CACNA2D3: variants seen among roughly 807,000 people sequenced by gnomAD.
The protein encoded by CACNA2D3 is voltage-dependent calcium channel subunit alpha-2/delta-3.
CACNA2D3 carries 60 observed loss-of-function variants against 160.6 expected under a neutral mutation model. That is an observed-to-expected ratio of 0.37 (90% CI 0.30 to 0.46). The LOEUF (loss-of-function observed/expected upper bound fraction) is 0.46. Ranked by LOEUF, CACNA2D3 falls within the 20% of genes least tolerant of loss-of-function variation. The probability of loss-of-function intolerance (pLI) is 1.00; values close to 1 mark genes in which losing one functional copy is unlikely to be tolerated. For synonymous variants in CACNA2D3, 558 were observed against 492.9 expected (o/e 1.13, Z -1.75); for missense variants, 1,205 against 1,365.0 (o/e 0.88, Z 1.85).
At position 54,947,818 on chromosome 3, in the gene CACNA2D3, G is replaced by C. The variant is rs562728524; in HGVS notation, c.2450-20632G>C. ...TAATCATTGCAATGTTTGGGGATGT[G>C]GGTCAGGAAGCATCCATGTAAATGG... On this transcript the variant is annotated intron_variant, in intron 27 of 37. Transcript: ENST00000474759. Among the ~76,000 whole-genome samples the C allele has an allele frequency of 5.3e-5, 8 of 152,238 alleles. No homozygotes were observed. The South Asian group carries it at 1.7e-3, about 32-fold the overall frequency.
intron 5 of CACNA2D3, among the ~76,000 whole-genome samples, chr3:54,536,950 A>T (rs1274708604): frequency 6.6e-6 from 1 of 152,060 alleles, no homozygotes; most frequent in African/African-American, 2.4e-5. Context: ...GGTGGCGGAG[A>T]TGCAGTGCCA....
At chr3:54,254,925 C>T (rs6783285) in intron 2 of CACNA2D3, among the ~76,000 whole-genome samples, 60,896 of 151,978 alleles carry the variant, frequency 0.4, 12,299 homozygotes, top group Middle Eastern at 0.41. Flanking sequence ...TGTCCTCCAG[C>T]CCCAGCTCAA....
At chr3:54,724,091 A>C (rs1701229701) in intron 11 of CACNA2D3, among the ~76,000 whole-genome samples, 1 of 152,220 alleles carries the variant, frequency 6.6e-6, no homozygotes, top group African/African-American at 2.4e-5. Flanking sequence ...AGGAAATGGA[A>C]AGCAAAAAAT....
chr3:54,504,664 C>A (rs1701341457), intron 5 of CACNA2D3, among the ~76,000 whole-genome samples: 1 of 152,292 alleles, frequency 6.6e-6, no homozygotes, highest in South Asian at 2.1e-4. Flanking sequence ...CACATTGTCT[C>A]CCATCAAGGT....
chr3:54,515,872 G>A (rs2106973711), intron 5 of CACNA2D3, among the ~76,000 whole-genome samples: 1 of 152,350 alleles, frequency 6.6e-6, no homozygotes, highest in South Asian at 2.1e-4. Flanking sequence ...AGAAGTGACT[G>A]TGCAGTCCCA....
intron 4 of CACNA2D3, among the ~76,000 whole-genome samples, chr3:54,408,389 C>T (rs571137776): frequency 6.6e-6 from 1 of 152,244 alleles, no homozygotes; most frequent in Admixed American, 6.5e-5. Flanking sequence ...TGGAGTCAGT[C>T]ATGCTAAATG....
chr3:54,197,172 G>A (rs889556385), intron 2 of CACNA2D3, among the ~76,000 whole-genome samples: 5 of 152,102 alleles, frequency 3.3e-5, no homozygotes, highest in African/African-American at 1.2e-4. Context: ...CTCCTGAGCA[G>A]GAAAGGGCCA....
At chr3:54,968,977 A>G (rs928495228) in intron 28 of CACNA2D3, among the ~76,000 whole-genome samples, 17 of 152,098 alleles carry the variant, frequency 1.1e-4, no homozygotes, top group Non-Finnish European at 2.2e-4. Flanking sequence ...TCTTTTCGCT[A>G]TGCTCTCTGT....
intron 29 of CACNA2D3, among the ~76,000 whole-genome samples, chr3:54,975,661 T>A (rs17054633): frequency 1.2e-3 from 177 of 152,118 alleles, no homozygotes; most frequent in African/African-American, 4.1e-3. Flanking sequence ...TGTAGAGCAA[T>A]CTTACCAAAA....
At chr3:54,146,600 GC>G (rs370983911) in intron 2 of CACNA2D3, among the ~76,000 whole-genome samples, 12 of 152,172 alleles carry the variant, frequency 7.9e-5, no homozygotes, top group African/African-American at 2.7e-4. Flanking sequence ...GGGAAGGGGG[GC>G]GTGGCCTAGT....
At chr3:55,046,423 A>G (rs1704083579) in intron 35 of CACNA2D3, among the ~76,000 whole-genome samples, 1 of 95,548 alleles carries the variant, frequency 1.0e-5, no homozygotes, top group East Asian at 2.5e-4. Flanking sequence ...CCTACAAAGG[A>G]CATGAACTCA....
At chr3:54,734,866 G>A (rs1701465951) in intron 11 of CACNA2D3, among the ~76,000 whole-genome samples, 1 of 152,178 alleles carries the variant, frequency 6.6e-6, no homozygotes, top group African/African-American at 2.4e-5. Context: ...ATTATATCAT[G>A]CATTATGGAA....
At chr3:54,802,244 G>A (rs1003513858) in intron 13 of CACNA2D3, among the ~76,000 whole-genome samples, 1 of 152,104 alleles carries the variant, frequency 6.6e-6, no homozygotes, top group Admixed American at 6.6e-5. Context: ...AGCTAGAGAA[G>A]GAAGGTGGAG....
chr3:54,611,104 A>G (rs1206999290), intron 9 of CACNA2D3, among the ~76,000 whole-genome samples: 1 of 152,238 alleles, frequency 6.6e-6, no homozygotes, highest in Non-Finnish European at 1.5e-5. Flanking sequence ...TGAGGGACTC[A>G]GCCAAGCCTC....
rs557472752 is a variant in CACNA2D3 at position 54,563,856 on chromosome 3, G to A, written c.676+925G>A. ...TGCCTTGCGGAGCTGTTTGCCCCGCGCACAGCATCTGACCCTCGAGAATTG... is the reference window on the plus strand; with the variant it reads ...TGCCTTGCGGAGCTGTTTGCCCCGCACACAGCATCTGACCCTCGAGAATTG... On this transcript the variant is annotated intron_variant, in intron 6 of 37. Transcript: ENST00000474759. Among the ~76,000 whole-genome samples, 577 of 152,226 alleles carry A rather than the reference G, an allele frequency of 3.8e-3. 3 individuals are homozygous for A. Among genetic ancestry groups the A allele is most frequent in the African/African-American group, 0.013 (553 of 41,538 alleles).
chr3:55,053,058 G>A (rs1487693111), intron 35 of CACNA2D3, among the ~76,000 whole-genome samples: 2 of 151,926 alleles, frequency 1.3e-5, no homozygotes, highest in South Asian at 2.1e-4. Flanking sequence ...TTTGACAAAT[G>A]TCTATATCCA....
At chr3:55,055,845 G>T (rs1575455412) in intron 35 of CACNA2D3, among the ~76,000 whole-genome samples, 1 of 151,992 alleles carries the variant, frequency 6.6e-6, no homozygotes, top group African/African-American at 2.4e-5. Context: ...GAATAGTTCA[G>T]TGTTAGTGTA....
At chr3:54,132,024 A>C (rs1305364400) in intron 2 of CACNA2D3, among the ~76,000 whole-genome samples, 1 of 152,254 alleles carries the variant, frequency 6.6e-6, no homozygotes, top group African/African-American at 2.4e-5. Context: ...TACTGGATTC[A>C]GGTAATCTAC....
intron 4 of CACNA2D3, among the ~76,000 whole-genome samples, chr3:54,486,954 T>C (rs1413914592): frequency 1.3e-5 from 2 of 152,154 alleles, no homozygotes; most frequent in Non-Finnish European, 2.9e-5. Context: ...GAGAGAGAAA[T>C]GCTGCTTAGA....
Sources: gnomAD v4.1 joint callset for allele counts (sites outside exome capture counted in the v4.1 genomes callset) on GRCh38, gnomAD v4.1.1 for gene constraint, MANE v1.5 for transcripts, NCBI Gene and HGNC (gene_info 2026-07-23, HGNC 2026-07-21) for gene names.